CTXND1: variants seen among roughly 807,000 people sequenced by gnomAD.
CTXND1 encodes the protein cortexin domain containing 1.
intron 1 of CTXND1, among the ~76,000 whole-genome samples, chr15:80,212,113 A>G (rs80003524): frequency 0.061 from 9,326 of 152,100 alleles, 315 homozygotes; most frequent in Middle Eastern, 0.11. Context: ...AGGGAGGAAA[A>G]ACTCTGTTGT....
chr15:80,220,399 T>C (rs1333020115), intron 1 of CTXND1, among the ~76,000 whole-genome samples: 1 of 152,232 alleles, frequency 6.6e-6, no homozygotes, highest in Admixed American at 6.5e-5. Flanking sequence ...CTCTATCCTT[T>C]TGAATTTGTT....
At chr15:80,209,308 A>G (rs1893180982) in intron 1 of CTXND1, among the ~76,000 whole-genome samples, 1 of 152,232 alleles carries the variant, frequency 6.6e-6, no homozygotes, top group Admixed American at 6.5e-5. Context: ...AAGCAAGGAC[A>G]CATATCCAGG....
chr15:80,240,082 C>T (rs1170454248), intron 1 of CTXND1, among the ~76,000 whole-genome samples: 4 of 152,240 alleles, frequency 2.6e-5, no homozygotes, highest in African/African-American at 9.6e-5. Flanking sequence ...TCTCCTGCCT[C>T]AGCCTCCCGA....
chr15:80,208,862 C>G (rs1893176624), intron 1 of CTXND1, among the ~76,000 whole-genome samples: 1 of 152,174 alleles, frequency 6.6e-6, no homozygotes, highest in African/African-American at 2.4e-5. Flanking sequence ...TGTTTCCGAC[C>G]CCATGCCTGT....
chr15:80,204,177 T>A (rs367895038), intron 1 of CTXND1, among the ~76,000 whole-genome samples: 9,296 of 27,472 alleles, frequency 0.34, 1,041 homozygotes, highest in African/African-American at 0.36. Flanking sequence ...AAAATATATA[T>A]ATATATATAT....
intron 1 of CTXND1, among the ~76,000 whole-genome samples, chr15:80,230,419 C>T (rs28537243): frequency 0.18 from 28,092 of 152,130 alleles, 2,911 homozygotes; most frequent in Middle Eastern, 0.24. Flanking sequence ...CAGTCATACC[C>T]TTTTTTATTC....
intron 1 of CTXND1, among the ~76,000 whole-genome samples, chr15:80,215,179 T>G (rs978792386): frequency 6.6e-6 from 1 of 152,190 alleles, no homozygotes; most frequent in Non-Finnish European, 1.5e-5. Context: ...GCCAAGTCCA[T>G]GAAGCCACCC....
At chr15:80,240,232 T>C (rs1893550050) in intron 1 of CTXND1, among the ~76,000 whole-genome samples, 1 of 152,152 alleles carries the variant, frequency 6.6e-6, no homozygotes, top group Non-Finnish European at 1.5e-5. Context: ...CCCAAAGTGG[T>C]GGGATTACAG....
In CTXND1 at chr15:80,198,939, AAG is replaced by A. The variant is rs749076106; in HGVS notation, c.*2829_*2830del. Reference sequence around the variant, plus strand: ...ATACTTGTGATGTAATGTTAGGAGAAAGAGTATGATATAAAATTATGTAGCAG... The same window carrying A: ...ATACTTGTGATGTAATGTTAGGAGAAAGTATGATATAAAATTATGTAGCAG... On this transcript the variant is annotated 3_prime_UTR_variant, in exon 3 of 3. Transcript: ENST00000560778. 2 of 152,244 alleles carry A rather than the reference AAG, an allele frequency of 1.3e-5. No homozygotes were observed. The highest frequency in any genetic ancestry group is 2.9e-5 in the Non-Finnish European group (2 of 68,048). The allele number at this position is 152,244 out of a possible 1,614,324, so 9.4% of individuals were successfully genotyped here. A position where few individuals can be genotyped will look rare whatever the true frequency, so the allele number is the denominator to read the frequency against.
At chr15:80,226,667 C>G (rs527851329) in intron 1 of CTXND1, among the ~76,000 whole-genome samples, 5 of 152,310 alleles carry the variant, frequency 3.3e-5, no homozygotes, top group Admixed American at 6.5e-5. Context: ...ACCCTGGCGG[C>G]CTTCTGCTGC....
At chr15:80,208,580 T>C (rs928455966) in intron 1 of CTXND1, among the ~76,000 whole-genome samples, 1 of 152,206 alleles carries the variant, frequency 6.6e-6, no homozygotes, top group Non-Finnish European at 1.5e-5. Context: ...TTTTGCATTG[T>C]CTTTTTTTAA....
intron 1 of CTXND1, among the ~76,000 whole-genome samples, chr15:80,226,806 T>C (rs557604096): frequency 6.6e-6 from 1 of 152,324 alleles, no homozygotes; most frequent in South Asian, 2.1e-4. Flanking sequence ...CCTATACCCG[T>C]CTGCTGCATT....
intron 1 of CTXND1, among the ~76,000 whole-genome samples, chr15:80,244,140 A>T (rs1893602537): frequency 6.6e-6 from 1 of 152,158 alleles, no homozygotes; most frequent in South Asian, 2.1e-4. Flanking sequence ...CATTGTTATT[A>T]CCTTTCTCTC....
At chr15:80,246,429 C>T (rs141696704) in intron 1 of CTXND1, among the ~76,000 whole-genome samples, 8 of 152,274 alleles carry the variant, frequency 5.3e-5, no homozygotes, top group African/African-American at 1.2e-4. Context: ...TGGGTTGGTA[C>T]GATGAAGATC....
At chr15:80,225,503 A>G (rs1279562916) in intron 1 of CTXND1, among the ~76,000 whole-genome samples, 1 of 151,618 alleles carries the variant, frequency 6.6e-6, no homozygotes, top group African/African-American at 2.4e-5. Flanking sequence ...AATCTTATGG[A>G]TTTATCTTCC....
intron 1 of CTXND1, among the ~76,000 whole-genome samples, chr15:80,248,567 G>A (rs1454180854): frequency 6.6e-6 from 1 of 152,174 alleles, no homozygotes; most frequent in African/African-American, 2.4e-5. Context: ...GCCTCGTTCT[G>A]GCTCCATGGG....
At chr15:80,237,382 A>G (rs1299691807) in intron 1 of CTXND1, among the ~76,000 whole-genome samples, 1 of 151,578 alleles carries the variant, frequency 6.6e-6, no homozygotes, top group African/African-American at 2.4e-5. Context: ...ACAGTGAATT[A>G]TACAATAGCT....
chr15:80,224,242 G>A, intron 1 of CTXND1, among the ~76,000 whole-genome samples: 2 of 152,216 alleles, frequency 1.3e-5, no homozygotes, highest in South Asian at 4.2e-4. Flanking sequence ...TCCAACCACC[G>A]ACCGACTGCA....
In CTXND1 at chr15:80,200,043, G is replaced by A. The variant is rs3826005; in HGVS notation, c.*1727C>T. On this transcript the variant is annotated 3_prime_UTR_variant, in exon 3 of 3. Transcript: ENST00000560778. ...AAGGCAATTATGTAAATTGGTAGAC[G>A]CCATATCCCTTGAGGTCAGGTGCTG... 37,299 of 152,174 alleles carry A rather than the reference G, an allele frequency of 0.25. 4,595 individuals are homozygous for A. The highest frequency in any genetic ancestry group is 0.29 in the East Asian group (1,505 of 5,168). The allele number at this position is 152,174 out of a possible 1,614,324, so 9.4% of individuals were successfully genotyped here.
Sources: gnomAD v4.1 joint callset for allele counts (sites outside exome capture counted in the v4.1 genomes callset) on GRCh38, gnomAD v4.1.1 for gene constraint, MANE v1.5 for transcripts, NCBI Gene and HGNC (gene_info 2026-07-23, HGNC 2026-07-21) for gene names.